SGCZ: variants seen among roughly 807,000 people sequenced by gnomAD.
SGCZ encodes zeta-sarcoglycan.
A neutral mutation model predicts 41.3 loss-of-function variants in SGCZ; 40 were observed. The ratio of observed to expected loss-of-function variants is 0.97; its 90% CI spans 0.75 to 1.26. SGCZ has a LOEUF of 1.26. Among genes scored for constraint, SGCZ ranks in the 50% most tolerant of loss-of-function variants. The pLI is 0.00. For synonymous variants in SGCZ, 206 were observed against 137.5 expected (o/e 1.50, Z -3.49); for missense variants, 552 against 369.8 (o/e 1.49, Z -4.04).
At chr8:14,519,394 C>A (rs1753105582) in intron 2 of SGCZ, among the ~76,000 whole-genome samples, 1 of 151,896 alleles carries the variant, frequency 6.6e-6, no homozygotes, top group South Asian at 2.1e-4. Context: ...GTTTCCTTGG[C>A]ATGAAAAAAT....
intron 1 of SGCZ, among the ~76,000 whole-genome samples, chr8:14,904,237 T>A (rs1053526040): frequency 1.1e-4 from 17 of 152,158 alleles, no homozygotes; most frequent in Admixed American, 1.1e-3. Context: ...ACTTCTTCCT[T>A]TGGGAAAATA....
chr8:14,797,576 A>G (rs1400922317), intron 1 of SGCZ, among the ~76,000 whole-genome samples: 2 of 152,230 alleles, frequency 1.3e-5, no homozygotes, highest in African/African-American at 2.4e-5. Flanking sequence ...ATAGCAAAGA[A>G]AAAACTATTT....
chr8:14,573,391 G>A (rs929191609), intron 1 of SGCZ, among the ~76,000 whole-genome samples: 7 of 151,440 alleles, frequency 4.6e-5, no homozygotes, highest in African/African-American at 1.7e-4. Flanking sequence ...TAGTAGAGAC[G>A]GGGTTTCACC....
intron 5 of SGCZ, among the ~76,000 whole-genome samples, chr8:14,153,084 TTC>T (rs1803759343): frequency 6.6e-6 from 1 of 152,132 alleles, no homozygotes. Context: ...GATGGAACTG[TTC>T]TGTGTCTTAA....
At chr8:14,278,281 A>G (rs895909825) in intron 3 of SGCZ, among the ~76,000 whole-genome samples, 4 of 152,112 alleles carry the variant, frequency 2.6e-5, no homozygotes, top group African/African-American at 7.2e-5. Flanking sequence ...GACCTCTATG[A>G]CCACGTGCAC....
At chr8:14,587,428 T>G (rs1047453610) in intron 1 of SGCZ, among the ~76,000 whole-genome samples, 13 of 151,472 alleles carry the variant, frequency 8.6e-5, no homozygotes, top group Non-Finnish European at 1.8e-4. Flanking sequence ...TTCCAGTACT[T>G]TGGGAGACGA....
intron 5 of SGCZ, among the ~76,000 whole-genome samples, chr8:14,130,171 C>T (rs757651365): frequency 2.0e-5 from 3 of 151,844 alleles, no homozygotes; most frequent in Non-Finnish European, 4.4e-5. Flanking sequence ...AAAAGAAACT[C>T]ACAAATATAT....
intron 1 of SGCZ, among the ~76,000 whole-genome samples, chr8:14,964,786 T>C (rs765160059): frequency 6.6e-6 from 1 of 152,154 alleles, no homozygotes; most frequent in Non-Finnish European, 1.5e-5. Flanking sequence ...CAGTTTCCCA[T>C]AGTTCTGAAT....
At position 15,106,611 on chromosome 8, in the gene SGCZ, T is replaced by C. The variant is rs569621330; in HGVS notation, c.39+130974A>G. On this transcript the variant is annotated intron_variant, in intron 1 of 7. Coordinates refer to ENST00000382080, the MANE Select transcript of SGCZ (RefSeq NM_139167.4). ...ATTTACCTTTTATAACCTGTCACTT[T>C]ATTGAAATGTCTTACTAGTTTCATT... Among the ~76,000 whole-genome samples, 4 of 152,288 alleles carry C rather than the reference T, an allele frequency of 2.6e-5. No homozygotes were observed. In the South Asian group the frequency reaches 8.3e-4, roughly 32 times the overall value.
At chr8:14,800,221 G>C (rs796630724) in intron 1 of SGCZ, among the ~76,000 whole-genome samples, 2 of 152,028 alleles carry the variant, frequency 1.3e-5, no homozygotes, top group African/African-American at 4.8e-5. Context: ...CCTAACACAT[G>C]TGTTTAGGAA....
chr8:14,450,769 G>A (rs552275174), intron 2 of SGCZ, among the ~76,000 whole-genome samples: 3 of 152,146 alleles, frequency 2.0e-5, no homozygotes, highest in Non-Finnish European at 2.9e-5. Context: ...ATTGCTACAG[G>A]GCAAAATCAT....
At chr8:15,176,014 T>C (rs1799990829) in intron 1 of SGCZ, among the ~76,000 whole-genome samples, 1 of 152,192 alleles carries the variant, frequency 6.6e-6, no homozygotes, top group Admixed American at 6.5e-5. Flanking sequence ...TACTGTATTA[T>C]ACTACTTATA....
intron 1 of SGCZ, among the ~76,000 whole-genome samples, chr8:14,722,107 T>G (rs551623450): frequency 1.4e-4 from 22 of 152,316 alleles, no homozygotes; most frequent in Non-Finnish European, 7.4e-5. Context: ...TTTCTCCTTT[T>G]CCTTTTCCCT....
intron 3 of SGCZ, among the ~76,000 whole-genome samples, chr8:14,300,672 T>C (rs2116970523): frequency 6.6e-6 from 1 of 152,136 alleles, no homozygotes; most frequent in East Asian, 1.9e-4. Context: ...GGTGGTCGTA[T>C]GAGATCATAT....
intron 1 of SGCZ, among the ~76,000 whole-genome samples, chr8:14,774,678 C>G (rs1800345880): frequency 6.6e-6 from 1 of 152,176 alleles, no homozygotes; most frequent in South Asian, 2.1e-4. Context: ...CTAGCTTTGA[C>G]TTTGCTCAAA....
At chr8:14,489,201 G>A (rs1801769000) in intron 2 of SGCZ, among the ~76,000 whole-genome samples, 1 of 151,950 alleles carries the variant, frequency 6.6e-6, no homozygotes, top group Admixed American at 6.6e-5. Context: ...TTTTGCAAGA[G>A]GCTGTGGTTG....
intron 1 of SGCZ, among the ~76,000 whole-genome samples, chr8:14,659,271 T>G (rs1807672803): frequency 6.6e-6 from 1 of 152,124 alleles, no homozygotes; most frequent in Admixed American, 6.5e-5. Flanking sequence ...GATAAATGCT[T>G]AAAGTGCTGA....
chr8:14,311,939 T>A (rs550868044), intron 3 of SGCZ, among the ~76,000 whole-genome samples: 1 of 152,294 alleles, frequency 6.6e-6, no homozygotes, highest in Non-Finnish European at 1.5e-5. Flanking sequence ...ACTTTGTTCT[T>A]TGGAATAAAC....
chr8:14,320,014 A>G (rs192572795), intron 3 of SGCZ, among the ~76,000 whole-genome samples: 96 of 152,152 alleles, frequency 6.3e-4, no homozygotes, highest in Admixed American at 1.4e-3. Flanking sequence ...AATTACATAT[A>G]TTAATTACAG....
Sources: allele counts gnomAD v4.1 joint callset (sites outside exome capture counted in the v4.1 genomes callset), GRCh38; gene constraint gnomAD v4.1.1; transcripts MANE v1.5; gene names NCBI Gene and HGNC (gene_info 2026-07-23, HGNC 2026-07-21).